The following TSNAXIP1 variants were observed in gnomAD, a reference collection of about 807,000 sequenced individuals.
TSNAXIP1 encodes the protein translin-associated factor X-interacting protein 1.
A neutral mutation model predicts 84.8 loss-of-function variants in TSNAXIP1; 89 were observed. The ratio of observed to expected loss-of-function variants is 1.05; its 90% CI spans 0.88 to 1.25. The LOEUF is 1.25. Among genes scored for constraint, TSNAXIP1 ranks in the 50% most tolerant of loss-of-function variants. The probability of loss-of-function intolerance (pLI) is 0.00; values close to 1 mark genes in which losing one functional copy is unlikely to be tolerated. For missense variants in TSNAXIP1, 874 were observed against 887.6 expected, an observed-to-expected ratio of 0.98 and a Z score of 0.20; for synonymous variants, 347 against 335.2, an observed-to-expected ratio of 1.04 and a Z score of -0.39.
At chr16:67,809,768 T>C (rs996194317) in intron 1 of TSNAXIP1, among the ~76,000 whole-genome samples, 1 of 151,712 alleles carries the variant, frequency 6.6e-6, no homozygotes, top group African/African-American at 2.4e-5. Context: ...GCCAACATAG[T>C]GAAACCCCAT....
At chr16:67,821,007 A>G in intron 3 of TSNAXIP1, 56 bp downstream of exon 3, 1 of 1,591,842 alleles carries the variant, frequency 6.3e-7, no homozygotes, top group Non-Finnish European at 8.6e-7. Context: ...GCTTTGGGCC[A>G]GGAGACAGGG....
Position 67,814,394 on chromosome 16 carries a change from G to A in TSNAXIP1, c.140G>A (p.Arg47Lys), listed in dbSNP as rs1230890230. ...TQNRKLLQKR[R>K]TLTGQFSMGG... ...AATCGCAAGCTTCTTCAGAAACGAA[G>A]GACGCTGGTTAGTGACAATGTTGTT... The change falls in exon 2 of 16, where the codon AGG (arginine) becomes AAG (lysine). Residue 47 changes from arginine to lysine, a missense_variant. Arg to Lys is a conservative substitution (Grantham distance 26). Coordinates refer to ENST00000561639, the MANE Select transcript of TSNAXIP1 (RefSeq NM_001288990.3). 3 of 1,535,742 alleles carry A rather than the reference G, an allele frequency of 2.0e-6. No individual in the cohort carries two copies. The highest frequency in any genetic ancestry group is 2.6e-6 in the Non-Finnish European group (3 of 1,146,792).
chr16:67,820,944 C>T lies in TSNAXIP1; in HGVS notation c.253C>T (p.Arg85Ter), dbSNP rs373398036. The change falls in exon 3 of 16, where the codon CGA becomes TGA. Residue 85 changes from arginine (R) to a stop codon, truncating the protein, a stop_gained. Coordinates refer to ENST00000561639, the MANE Select transcript of TSNAXIP1 (RefSeq NM_001288990.3). LOFTEE classifies it high-confidence loss of function. ...RKPCSDDYRK[R>*]VGSCQQHPFR... ...ACCCTGTTCAGATGACTACCGGAAG[C>T]GAGTAGGGTAAGCCAGGGTCAGTCC... is the stretch of plus-strand genomic sequence containing the variant. The T allele has an allele frequency of 5.0e-6, 8 of 1,598,378 alleles. No individual in the cohort carries two copies. Among genetic ancestry groups the T allele is most frequent in the East Asian group, 2.2e-5 (1 of 44,826 alleles).
At chr16:67,825,526 T>C in intron 7 of TSNAXIP1, 141 bp from the exon 8 acceptor site, 1 of 1,288,562 alleles carries the variant, frequency 7.8e-7, no homozygotes, top group Non-Finnish European at 1.1e-6. Flanking sequence ...TTTCCTGGGC[T>C]TCTAGACTTT....
In TSNAXIP1 at chr16:67,807,061, C is replaced by G. The variant is rs2055499755; in HGVS notation, c.-89C>G. ...TGACTCCGCCCCCGCCGCGGGGGGG[C>G]CTCTGGGGCCTGGTCGCCATGGCGA... On this transcript the variant is annotated 5_prime_UTR_variant, in exon 1 of 16. Coordinates refer to ENST00000561639, the MANE Select transcript of TSNAXIP1 (RefSeq NM_001288990.3). 2 of 1,502,096 alleles carry G rather than the reference C, an allele frequency of 1.3e-6. No individual in the cohort carries two copies. The highest frequency in any genetic ancestry group is 2.5e-5 in the East Asian group (1 of 40,262). 93.0% of individuals were successfully genotyped at this position (1,502,096 alleles called of 1,614,324 possible). A position where few individuals can be genotyped will look rare whatever the true frequency, so the allele number is the denominator to read the frequency against.
At chr16:67,807,871 C>T (rs1055520803) in intron 1 of TSNAXIP1, 5 of 155,574 alleles carry the variant, frequency 3.2e-5, no homozygotes, top group African/African-American at 1.2e-4. Context: ...CTGGAGAGAT[C>T]ATCCTCTGGG....
intron 1 of TSNAXIP1, chr16:67,807,461 C>A: frequency 7.9e-7 from 1 of 1,267,028 alleles, no homozygotes. Context: ...TTATATACCA[C>A]ATTTTTAAAT....
rs1419946883 is a variant in TSNAXIP1, at chr16:67,827,580, G to T, written c.1898+1G>T. On this transcript the variant is annotated splice_donor_variant, in intron 15 of 15. Transcript: ENST00000561639. LOFTEE classifies it high-confidence loss of function. The stretch of plus-strand genomic sequence containing the variant: ...TAAAGCAGGAGCTTGGCATAGAACT[G>T]TGAGTGACCCTCATCCATAGGCGAG... 1 of 1,614,122 alleles carries T rather than the reference G, an allele frequency of 6.2e-7. No individual in the cohort carries two copies. Among genetic ancestry groups the T allele is most frequent in the Admixed American group, 1.7e-5 (1 of 60,030 alleles).
At chr16:67,826,114 T>C in intron 9 of TSNAXIP1, 38 bp downstream of exon 9, 1 of 1,613,316 alleles carries the variant, frequency 6.2e-7, no homozygotes, top group South Asian at 1.1e-5. Context: ...CCTGCTTACA[T>C]GTGGGCCCAG....
intron 6 of TSNAXIP1, 74 bp from the exon 7 acceptor site, chr16:67,825,063 C>A (rs1366357449): frequency 1.5e-5 from 24 of 1,565,448 alleles, no homozygotes; most frequent in Non-Finnish European, 2.0e-5. Flanking sequence ...AGAACCCAGC[C>A]CACTCCCTGG....
chr16:67,824,239 G>A (rs918488734), intron 5 of TSNAXIP1, among the ~76,000 whole-genome samples: 2 of 152,050 alleles, frequency 1.3e-5, no homozygotes, highest in African/African-American at 4.8e-5. Flanking sequence ...GCACAGGGGG[G>A]CAGTCCCTGT....
chr16:67,817,798 A>G (rs1178460010), intron 2 of TSNAXIP1, among the ~76,000 whole-genome samples: 1 of 151,850 alleles, frequency 6.6e-6, no homozygotes, highest in Non-Finnish European at 1.5e-5. Flanking sequence ...AGGCAGGAGA[A>G]TTGCTTGAAC....
chr16:67,818,069 C>T (rs1161580712), intron 2 of TSNAXIP1, among the ~76,000 whole-genome samples: 4 of 150,962 alleles, frequency 2.6e-5, no homozygotes, highest in Non-Finnish European at 4.4e-5. Context: ...ATTAGCTGGG[C>T]GTGGTGGCAT....
intron 7 of TSNAXIP1, 132 bp downstream of exon 7, chr16:67,825,404 C>T: frequency 7.6e-7 from 1 of 1,321,300 alleles, no homozygotes; most frequent in East Asian, 2.3e-5. Context: ...GGGAGATGTC[C>T]CTGCCTCCCG....
chr16:67,813,211 A>C (rs2056254447), intron 1 of TSNAXIP1, among the ~76,000 whole-genome samples: 1 of 151,706 alleles, frequency 6.6e-6, no homozygotes, highest in Non-Finnish European at 1.5e-5. Context: ...ACATGGTGAA[A>C]TCCCATCTCT....
At chr16:67,815,390 C>A (rs1245204643) in intron 2 of TSNAXIP1, among the ~76,000 whole-genome samples, 3 of 149,944 alleles carry the variant, frequency 2.0e-5, no homozygotes, top group African/African-American at 7.4e-5. Flanking sequence ...TGCAGTGGTG[C>A]AGTGGTGCAG....
In TSNAXIP1 at chr16:67,820,952, G is replaced by A; in HGVS notation, c.260+1G>A. The A allele has an allele frequency of 1.3e-6, 2 of 1,595,690 alleles. No homozygotes were observed. Among genetic ancestry groups the A allele is most frequent in the Non-Finnish European group, 1.7e-6 (2 of 1,171,182 alleles). On this transcript the variant is annotated splice_donor_variant, in intron 3 of 15. Transcript: ENST00000561639. LOFTEE classifies it high-confidence loss of function. Reference sequence around the variant, plus strand: ...CAGATGACTACCGGAAGCGAGTAGGGTAAGCCAGGGTCAGTCCCATGGTGG... The same window carrying A: ...CAGATGACTACCGGAAGCGAGTAGGATAAGCCAGGGTCAGTCCCATGGTGG...
In TSNAXIP1 at chr16:67,825,920, G is replaced by A; in HGVS notation, c.988G>A (p.Asp330Asn). ...GGGCCAATGTCCTTGCCCACAGCTG[G>A]ACACCCTGAGAGCCAGCTACGAGGA... ...KTNKDLQEQL[D>N]TLRASYEEVR... The change falls in exon 9 of 16, where the codon GAC (aspartate) becomes AAC (asparagine). Residue 330 changes from aspartate (D) to asparagine (N), a missense_variant. By Grantham distance (23) the Asp-to-Asn change is conservative. Transcript: ENST00000561639. 6.2e-7 allele frequency: 1 copy of A among 1,614,084 alleles called. No homozygotes were observed. The highest frequency in any genetic ancestry group is 8.5e-7 in the Non-Finnish European group (1 of 1,180,012).
In TSNAXIP1 at chr16:67,821,175, CT is replaced by C; in HGVS notation, c.338del (p.Leu113ProfsTer14). On this transcript the variant is annotated frameshift_variant, in exon 4 of 16. Coordinates refer to ENST00000561639, the MANE Select transcript of TSNAXIP1 (RefSeq NM_001288990.3). LOFTEE classifies it high-confidence loss of function. Reference protein sequence around the residue: ...EELENYLRKELLLLDLGTDST... With the variant: ...EELENYLRKEXLLLDLGTDST... ...ACTGGAAAACTACCTACGCAAGGAG[CT>C]CCTCCTGCTGGACCTGGGCACAGAT... The C allele has an allele frequency of 6.2e-7, 1 of 1,609,728 alleles. No individual in the cohort carries two copies. Among genetic ancestry groups the C allele is most frequent in the Non-Finnish European group, 8.5e-7 (1 of 1,178,260 alleles).
Sources: gnomAD v4.1 joint callset for allele counts (sites outside exome capture counted in the v4.1 genomes callset) on GRCh38, gnomAD v4.1.1 for gene constraint, MANE v1.5 for transcripts, NCBI Gene and HGNC (gene_info 2026-07-23, HGNC 2026-07-21) for gene names.